The following SLC16A7 variants were observed in gnomAD, a reference collection of about 807,000 sequenced individuals.
SLC16A7 encodes the protein monocarboxylate transporter 2.
A neutral mutation model predicts 34.9 loss-of-function variants in SLC16A7; 33 were observed. The observed-to-expected ratio is 0.94, with a 90% CI of 0.72 to 1.26. SLC16A7 has a LOEUF of 1.26. Among genes scored for constraint, SLC16A7 ranks in the 50% most tolerant of loss-of-function variants. The pLI is 0.00. For missense variants in SLC16A7, 573 were observed against 578.1 expected (o/e 0.99, Z 0.09); for synonymous variants, 201 against 206.6 (o/e 0.97, Z 0.23).
intron 3 of SLC16A7, among the ~76,000 whole-genome samples, chr12:59,732,967 A>T (rs1335896558): frequency 6.6e-6 from 1 of 152,204 alleles, no homozygotes; most frequent in Non-Finnish European, 1.5e-5. Context: ...AAATCCCTGA[A>T]GTTGCAAACA....
intron 1 of SLC16A7, among the ~76,000 whole-genome samples, chr12:59,597,767 AT>A (rs1294547860): frequency 5.9e-5 from 9 of 152,240 alleles, no homozygotes; most frequent in Non-Finnish European, 1.3e-4. Context: ...GAAAGGAAAG[AT>A]TACAACCGTA....
rs963123960 is a variant in SLC16A7, at chr12:59,782,577, A to G, written c.*2898A>G. On this transcript the variant is annotated 3_prime_UTR_variant, in exon 6 of 6. Coordinates refer to ENST00000547379, the MANE Select transcript of SLC16A7 (RefSeq NM_001270623.2). ...CTATTCCCACATTATGAAATTGTAC[A>G]GAAGAAAGGGTGTCATTAAATCAAG... 18 of 152,222 alleles carry G rather than the reference A, an allele frequency of 1.2e-4. No homozygotes were observed. The highest frequency in any genetic ancestry group is 4.3e-4 in the African/African-American group (18 of 41,470). The allele number at this position is 152,222 out of a possible 1,614,324, so 9.4% of individuals were successfully genotyped here. A position where few individuals can be genotyped will look rare whatever the true frequency, so the allele number is the denominator to read the frequency against.
At chr12:59,610,538 C>T (rs1280659492) in intron 1 of SLC16A7, among the ~76,000 whole-genome samples, 1 of 152,116 alleles carries the variant, frequency 6.6e-6, no homozygotes, top group Non-Finnish European at 1.5e-5. Flanking sequence ...TCCAATTATA[C>T]TTTAATGAGA....
intron 1 of SLC16A7, among the ~76,000 whole-genome samples, chr12:59,614,801 A>C (rs943687276): frequency 7.0e-6 from 1 of 143,774 alleles, no homozygotes; most frequent in Non-Finnish European, 1.5e-5. Context: ...ATCCTGGCTA[A>C]CATGGTCAAA....
chr12:59,627,404 G>A (rs201979957), intron 1 of SLC16A7, among the ~76,000 whole-genome samples: 7 of 151,648 alleles, frequency 4.6e-5, no homozygotes, highest in Non-Finnish European at 5.9e-5. Flanking sequence ...GTTATCATAC[G>A]GTTATCTATA....
At chr12:59,614,706 C>T (rs185981266) in intron 1 of SLC16A7, among the ~76,000 whole-genome samples, 10 of 150,630 alleles carry the variant, frequency 6.6e-5, no homozygotes, top group Admixed American at 4.7e-4. Flanking sequence ...AGGATCCAGC[C>T]GGGCATGGTG....
chr12:59,615,123 G>A (rs143790719), intron 1 of SLC16A7, among the ~76,000 whole-genome samples: 12 of 152,174 alleles, frequency 7.9e-5, no homozygotes, highest in African/African-American at 2.9e-4. Context: ...TCAGTAGGAC[G>A]CAGCAACAAA....
At chr12:59,692,371 A>G (rs148652299) in intron 2 of SLC16A7, among the ~76,000 whole-genome samples, 9 of 152,148 alleles carry the variant, frequency 5.9e-5, no homozygotes, top group African/African-American at 2.2e-4. Flanking sequence ...AGACATGGAC[A>G]TAGCTGGCAT....
In SLC16A7 at chr12:59,789,400, A is replaced by G. The variant is rs1272686945; in HGVS notation, c.*9721A>G. On this transcript the variant is annotated 3_prime_UTR_variant, in exon 6 of 6. Coordinates refer to ENST00000547379, the MANE Select transcript of SLC16A7 (RefSeq NM_001270623.2). ...GTCAAACATTCTATGCAAATATTGA[A>G]ATATGCAACAGCTAAACTTTATGGT... 6.6e-6 allele frequency: 1 copy of G among 152,184 alleles called. No homozygotes were observed. The allele number at this position is 152,184 out of a possible 1,614,324, so 9.4% of individuals were successfully genotyped here. A position where few individuals can be genotyped will look rare whatever the true frequency, so the allele number is the denominator to read the frequency against.
At chr12:59,738,966 A>G (rs1229758972) in intron 3 of SLC16A7, among the ~76,000 whole-genome samples, 1 of 151,450 alleles carries the variant, frequency 6.6e-6, no homozygotes, top group Non-Finnish European at 1.5e-5. Flanking sequence ...ATGGAATATT[A>G]TATATTAGGA....
At chr12:59,767,941 C>T (rs1485856706) in intron 3 of SLC16A7, among the ~76,000 whole-genome samples, 2 of 94,158 alleles carry the variant, frequency 2.1e-5, no homozygotes, top group African/African-American at 4.4e-5. Context: ...TGGGGCCTGT[C>T]GTGGGGTGGG....
intron 2 of SLC16A7, among the ~76,000 whole-genome samples, chr12:59,672,388 G>A (rs530878362): frequency 4.0e-4 from 60 of 150,754 alleles, no homozygotes; most frequent in South Asian, 3.8e-3. Flanking sequence ...AAAGCAGGCC[G>A]GACCAGCGCT....
chr12:59,755,611 A>G (rs1880221409), intron 3 of SLC16A7, among the ~76,000 whole-genome samples: 1 of 152,192 alleles, frequency 6.6e-6, no homozygotes, highest in African/African-American at 2.4e-5. Flanking sequence ...AAAAGAGGAT[A>G]CAAAGAAATG....
At chr12:59,707,556 G>T (rs1417315015) in intron 3 of SLC16A7, among the ~76,000 whole-genome samples, 1 of 151,788 alleles carries the variant, frequency 6.6e-6, no homozygotes, top group Non-Finnish European at 1.5e-5. Context: ...AAGCACAAAA[G>T]AACTCTTCTG....
intron 3 of SLC16A7, among the ~76,000 whole-genome samples, chr12:59,710,426 C>G (rs984045575): frequency 1.3e-5 from 2 of 152,100 alleles, no homozygotes; most frequent in African/African-American, 4.8e-5. Context: ...GTGTCTCTTC[C>G]AAAACAGGGA....
chr12:59,659,462 A>G (rs943793692), intron 2 of SLC16A7, among the ~76,000 whole-genome samples: 2 of 152,002 alleles, frequency 1.3e-5, no homozygotes, highest in African/African-American at 4.8e-5. Flanking sequence ...GCGAGTGACT[A>G]TTTGAGGAAA....
At chr12:59,645,839 A>G (rs1880884900) in intron 1 of SLC16A7, among the ~76,000 whole-genome samples, 1 of 152,166 alleles carries the variant, frequency 6.6e-6, no homozygotes, top group African/African-American at 2.4e-5. Context: ...GCTGATAGTA[A>G]TAGGGACAAT....
intron 1 of SLC16A7, among the ~76,000 whole-genome samples, chr12:59,637,729 T>G (rs1880496338): frequency 6.6e-6 from 1 of 152,168 alleles, no homozygotes; most frequent in African/African-American, 2.4e-5. Context: ...AAAGTTCATG[T>G]GTTGGAAAGT....
rs752581274 is a variant in SLC16A7, at chr12:59,764,198, T to C, written c.218-7021T>C. ...GTGAAGAAAGTTTTAGAAGTTTGGA[T>C]ACAAGATCAAACCACCCACAACATT... On this transcript the variant is annotated intron_variant, in intron 3 of 5. Coordinates refer to ENST00000547379, the MANE Select transcript of SLC16A7 (RefSeq NM_001270623.2). The C allele has an allele frequency of 5.3e-5, 8 of 152,300 alleles. No individual in the cohort carries two copies. The South Asian group carries it at 6.2e-4, about 12-fold the overall frequency. 9.4% of individuals were successfully genotyped at this position (152,300 alleles called of 1,614,324 possible).
Sources: gnomAD v4.1 joint callset for allele counts (sites outside exome capture counted in the v4.1 genomes callset) on GRCh38, gnomAD v4.1.1 for gene constraint, MANE v1.5 for transcripts, NCBI Gene and HGNC (gene_info 2026-07-23, HGNC 2026-07-21) for gene names.